The following PLCB1 variants were observed in gnomAD, a reference collection of about 807,000 sequenced individuals.
The protein encoded by PLCB1 is phospholipase C beta 1, also known as 1-phosphatidylinositol 4,5-bisphosphate phosphodiesterase beta-1.
PLCB1 carries 46 observed loss-of-function variants against 161.8 expected under a neutral mutation model. The ratio of observed to expected loss-of-function variants is 0.28; its 90% confidence interval spans 0.22 to 0.36. The LOEUF (loss-of-function observed/expected upper bound fraction) is 0.36, where lower values mean the gene tolerates loss of function less well. PLCB1 is among the 10% of genes least tolerant of loss of function. The pLI, the probability that PLCB1 is intolerant of heterozygous loss-of-function variation, is 1.00. For synonymous variants in PLCB1, 517 were observed against 503.7 expected, an observed-to-expected ratio of 1.03 and a Z score of -0.35; for missense variants, 1,016 against 1,472.5, an observed-to-expected ratio of 0.69 and a Z score of 5.07.
chr20:8,724,893 C>T (rs2123483024), intron 16 of PLCB1, 141 bp downstream of exon 16: 3 of 588,904 alleles, frequency 5.1e-6, no homozygotes, highest in South Asian at 2.2e-5. Flanking sequence ...ATTTTGACTG[C>T]CTTGTTACTT....
intron 3 of PLCB1, among the ~76,000 whole-genome samples, chr20:8,406,142 T>C (rs1424771462): frequency 6.6e-6 from 1 of 152,204 alleles, no homozygotes; most frequent in Non-Finnish European, 1.5e-5. Context: ...ATTTACTTTA[T>C]TGACTTTTAT....
rs139557543 is a variant in PLCB1 at position 8,611,235 on chromosome 20, G to T, written c.247-17059G>T. ...AAGGAAAAAAATATTGTGTTTTGAA[G>T]GCTAAGAAAACATGTATACAAGAAA... is the stretch of plus-strand genomic sequence containing the variant. On this transcript the variant is annotated intron_variant, in intron 3 of 31. Coordinates refer to ENST00000338037, the MANE Select transcript of PLCB1 (RefSeq NM_015192.4). Among the ~76,000 whole-genome samples, 14 of 152,140 alleles carry T rather than the reference G, an allele frequency of 9.2e-5. No individual in the cohort carries two copies. The East Asian group carries it at 2.7e-3, about 29-fold the overall frequency.
chr20:8,630,549 A>G (rs759235118), intron 4 of PLCB1, among the ~76,000 whole-genome samples: 9 of 152,220 alleles, frequency 5.9e-5, no homozygotes, highest in Admixed American at 2.6e-4. Context: ...TTTCAGTTCA[A>G]TGAACATTGT....
chr20:8,422,837 T>A (rs1979597160), intron 3 of PLCB1, among the ~76,000 whole-genome samples: 1 of 152,202 alleles, frequency 6.6e-6, no homozygotes, highest in African/African-American at 2.4e-5. Flanking sequence ...TTATTGATTC[T>A]GGGTTCAAAT....
intron 3 of PLCB1, among the ~76,000 whole-genome samples, chr20:8,425,130 GT>G (rs10629165): frequency 2.8e-3 from 389 of 140,454 alleles, no homozygotes; most frequent in South Asian, 0.011. Flanking sequence ...ATTCTGAGGT[GT>G]TTTTTTTTTT....
intron 3 of PLCB1, among the ~76,000 whole-genome samples, chr20:8,578,819 C>T (rs1455790156): frequency 2.0e-5 from 3 of 152,156 alleles, no homozygotes; most frequent in African/African-American, 4.8e-5. Flanking sequence ...TCAAACTCTA[C>T]GTTAAGTCAT....
chr20:8,767,456 G>C (rs6077419), intron 26 of PLCB1, among the ~76,000 whole-genome samples: 47,507 of 152,006 alleles, frequency 0.31, 7,504 homozygotes, highest in Middle Eastern at 0.49. Flanking sequence ...TGTACTTTCT[G>C]CCGAGTTCCC....
chr20:8,832,349 C>T (rs893648244), intron 31 of PLCB1, among the ~76,000 whole-genome samples: 3 of 152,108 alleles, frequency 2.0e-5, no homozygotes, highest in African/African-American at 7.2e-5. Context: ...AACACTTGGT[C>T]CTGAAAACTG....
intron 2 of PLCB1, among the ~76,000 whole-genome samples, chr20:8,167,561 G>A (rs561988942): frequency 1.2e-3 from 178 of 152,146 alleles, no homozygotes; most frequent in Admixed American, 2.0e-3. Context: ...ACTTCTAAAA[G>A]GAAAGTAATT....
chr20:8,766,201 T>C (rs1982306461), intron 26 of PLCB1, among the ~76,000 whole-genome samples: 1 of 151,976 alleles, frequency 6.6e-6, no homozygotes, highest in Admixed American at 6.6e-5. Context: ...TACCCAATCA[T>C]CTCAAATAGT....
chr20:8,628,321 G>C lies in PLCB1; in HGVS notation c.274G>C (p.Val92Leu). ...KDPKLRELLD[V>L]GNIGRLEQRM... ...CCCCAAATTACGTGAACTTTTGGAT[G>C]TGGGGAACATCGGGCGCCTGGAGCA... Residue 92 changes from valine to leucine, a missense_variant, in exon 4 of 32, where the codon GTG becomes CTG. Val to Leu is a conservative substitution (Grantham distance 32). Transcript: ENST00000338037. 1 of 1,613,892 alleles carries C rather than the reference G, an allele frequency of 6.2e-7. No homozygotes were observed. Among genetic ancestry groups the C allele is most frequent in the South Asian group, 1.1e-5 (1 of 91,080 alleles).
chr20:8,137,329 G>A (rs575245916), intron 1 of PLCB1, among the ~76,000 whole-genome samples: 19 of 152,294 alleles, frequency 1.2e-4, no homozygotes, highest in Non-Finnish European at 7.4e-5. Context: ...ATTTAGTAGC[G>A]TTCACTTTGG....
At chr20:8,298,677 G>A (rs1453307222) in intron 2 of PLCB1, among the ~76,000 whole-genome samples, 3 of 150,482 alleles carry the variant, frequency 2.0e-5, no homozygotes, top group African/African-American at 7.3e-5. Flanking sequence ...TTTGTTTTTG[G>A]TTTTGTTTGC....
intron 2 of PLCB1, among the ~76,000 whole-genome samples, chr20:8,265,693 C>T (rs1025958642): frequency 2.6e-5 from 4 of 152,102 alleles, no homozygotes; most frequent in Admixed American, 6.6e-5. Flanking sequence ...TACATGTCTC[C>T]AGTTCCTATC....
At chr20:8,527,717 C>A (rs376371004) in intron 3 of PLCB1, among the ~76,000 whole-genome samples, 5 of 151,958 alleles carry the variant, frequency 3.3e-5, no homozygotes, top group East Asian at 1.9e-4. Flanking sequence ...ATTTTATATA[C>A]GTAAAAATTC....
At chr20:8,404,232 T>A (rs902620530) in intron 3 of PLCB1, among the ~76,000 whole-genome samples, 2 of 152,228 alleles carry the variant, frequency 1.3e-5, no homozygotes, top group Admixed American at 6.5e-5. Flanking sequence ...CTGACCTATG[T>A]TTTTGTTTCA....
intron 2 of PLCB1, among the ~76,000 whole-genome samples, chr20:8,213,409 A>C (rs1238654409): frequency 6.6e-6 from 1 of 152,098 alleles, no homozygotes; most frequent in Non-Finnish European, 1.5e-5. Flanking sequence ...TAATTATCCA[A>C]AGTAATGGGG....
At chr20:8,320,042 G>T (rs981129388) in intron 2 of PLCB1, among the ~76,000 whole-genome samples, 1 of 152,030 alleles carries the variant, frequency 6.6e-6, no homozygotes, top group Non-Finnish European at 1.5e-5. Context: ...TTAGCACGAG[G>T]TTTTGGGTGA....
intron 2 of PLCB1, among the ~76,000 whole-genome samples, chr20:8,362,283 C>A (rs1264471197): frequency 6.6e-6 from 1 of 152,058 alleles, no homozygotes; most frequent in African/African-American, 2.4e-5. Context: ...TAATGTCAAC[C>A]TAATAAGTTG....
Sources: allele counts gnomAD v4.1 joint callset (sites outside exome capture counted in the v4.1 genomes callset), GRCh38; gene constraint gnomAD v4.1.1; transcripts MANE v1.5; gene names NCBI Gene and HGNC (gene_info 2026-07-23, HGNC 2026-07-21).